The following ANKFN1 variants were observed in gnomAD, a reference collection of about 807,000 sequenced individuals.
The protein encoded by ANKFN1 is ankyrin repeat and fibronectin type-III domain-containing protein 1.
ANKFN1 carries 74 observed loss-of-function variants against 108.7 expected under a neutral mutation model. The ratio of observed to expected loss-of-function variants is 0.68; its 90% CI spans 0.56 to 0.83. ANKFN1 has a LOEUF of 0.83. Among genes scored for constraint, ANKFN1 ranks in the 40% least tolerant of loss-of-function variants. The pLI, the probability that ANKFN1 is intolerant of heterozygous loss-of-function variation, is 0.00. For synonymous variants in ANKFN1, 547 were observed against 516.2 expected, an observed-to-expected ratio of 1.06 and a Z score of -0.81; for missense variants, 1,505 against 1,382.3, an observed-to-expected ratio of 1.09 and a Z score of -1.41.
At chr17:56,221,881 TG>T (rs1421605951) in intron 2 of ANKFN1, among the ~76,000 whole-genome samples, 1 of 152,188 alleles carries the variant, frequency 6.6e-6, no homozygotes, top group African/African-American at 2.4e-5. Flanking sequence ...CACTGAAGCC[TG>T]GGAAAATGCC....
chr17:56,458,068 G>A (rs906264908), intron 14 of ANKFN1, 89 bp downstream of exon 14: 6 of 1,085,882 alleles, frequency 5.5e-6, no homozygotes, highest in Non-Finnish European at 8.1e-6. Context: ...AAAGGAAAAG[G>A]ATGGGCTCCC....
At chr17:56,438,756 A>C (rs2049003871) in intron 8 of ANKFN1, among the ~76,000 whole-genome samples, 1 of 152,140 alleles carries the variant, frequency 6.6e-6, no homozygotes, top group African/African-American at 2.4e-5. Context: ...AACAGAAGGA[A>C]GTTCGAGCTC....
intron 8 of ANKFN1, among the ~76,000 whole-genome samples, chr17:56,436,610 G>A (rs562196937): frequency 1.3e-5 from 2 of 152,110 alleles, no homozygotes; most frequent in Admixed American, 6.5e-5. Context: ...GATCACCTGA[G>A]ATCAGGAGTT....
chr17:56,161,923 G>A (rs901941400), intron 1 of ANKFN1, among the ~76,000 whole-genome samples: 2 of 152,206 alleles, frequency 1.3e-5, no homozygotes, highest in Non-Finnish European at 2.9e-5. Flanking sequence ...CAAAATGCAG[G>A]ATGCAGGCAG....
intron 4 of ANKFN1, among the ~76,000 whole-genome samples, chr17:56,084,780 C>G (rs78589486): frequency 0.013 from 2,031 of 151,316 alleles, 74 homozygotes; most frequent in African/African-American, 0.047. Flanking sequence ...ATGAAGAAAG[C>G]CTTCAAGTTG....
At chr17:56,223,316 G>C (rs1292727543) in intron 2 of ANKFN1, among the ~76,000 whole-genome samples, 1 of 152,142 alleles carries the variant, frequency 6.6e-6, no homozygotes, top group Non-Finnish European at 1.5e-5. Flanking sequence ...GTGCAGTTCT[G>C]AGTTCTTTTA....
At chr17:56,190,579 A>G (rs1259119679) in intron 1 of ANKFN1, among the ~76,000 whole-genome samples, 2 of 120,982 alleles carry the variant, frequency 1.7e-5, no homozygotes, top group Non-Finnish European at 3.4e-5. Flanking sequence ...TCTGAGAGAT[A>G]GTTTGTTATA....
At position 56,511,762 on chromosome 17, in the gene ANKFN1, G is replaced by A. The variant is rs750712501; in HGVS notation, c.*493G>A. The A allele has an allele frequency of 6.5e-6, 1 of 154,102 alleles. No homozygotes were observed. Among genetic ancestry groups the A allele is most frequent in the South Asian group, 2.0e-4 (1 of 4,922 alleles). 9.5% of individuals were successfully genotyped at this position (154,102 alleles called of 1,614,324 possible). A position where few individuals can be genotyped will look rare whatever the true frequency, so the allele number is the denominator to read the frequency against. ...ACACCAGGTTGTGTCTCTAGGGCAC[G>A]GGGTCAGGTGGGCTTGACCTTGGTT... On this transcript the variant is annotated 3_prime_UTR_variant, in exon 21 of 21. Coordinates refer to ENST00000682825, the MANE Select transcript of ANKFN1 (RefSeq NM_001370326.1).
intron 3 of ANKFN1, among the ~76,000 whole-genome samples, chr17:56,266,635 T>C (rs2043660334): frequency 6.6e-6 from 1 of 152,174 alleles, no homozygotes; most frequent in African/African-American, 2.4e-5. Flanking sequence ...GGAGCTATAA[T>C]TGCATAATGT....
chr17:56,354,653 A>G (rs1321789312), intron 6 of ANKFN1, among the ~76,000 whole-genome samples: 1 of 152,206 alleles, frequency 6.6e-6, no homozygotes, highest in Non-Finnish European at 1.5e-5. Flanking sequence ...ACTATTTTAA[A>G]TAGGGTTGAT....
At chr17:56,428,999 A>T (rs1567994602) in intron 8 of ANKFN1, among the ~76,000 whole-genome samples, 1 of 152,206 alleles carries the variant, frequency 6.6e-6, no homozygotes, top group Non-Finnish European at 1.5e-5. Context: ...AGTTAGGTGC[A>T]GAGTCTGCAC....
intron 2 of ANKFN1, among the ~76,000 whole-genome samples, chr17:56,226,040 A>C (rs1332697813): frequency 6.6e-6 from 1 of 152,194 alleles, no homozygotes; most frequent in Non-Finnish European, 1.5e-5. Flanking sequence ...TTTGTTTCCT[A>C]GCAACAGGTT....
chr17:56,510,576 G>C lies in ANKFN1; in HGVS notation c.2748G>C (p.Leu916=), dbSNP rs938256169. 2.6e-6 allele frequency: 4 copies of C among 1,536,154 alleles called. No homozygotes were observed. Among genetic ancestry groups the C allele is most frequent in the Admixed American group, 2.0e-5 (1 of 51,004 alleles). Residue 916 remains leucine, a synonymous_variant, in exon 21 of 21, where the codon CTG becomes CTC. Transcript: ENST00000682825. ...CCCTGAGCCCCAGAGACCTGGACCTGGTCTACCTATCATCTCACGACATTG... is the reference window on the plus strand; with the variant it reads ...CCCTGAGCCCCAGAGACCTGGACCTCGTCTACCTATCATCTCACGACATTG... ...SDALSPRDLD[L]VYLSSHDIAQ... is the part of the protein sequence containing the mutation.
intron 8 of ANKFN1, among the ~76,000 whole-genome samples, chr17:56,426,622 A>G (rs2048577790): frequency 6.6e-6 from 1 of 152,268 alleles, no homozygotes; most frequent in Non-Finnish European, 1.5e-5. Context: ...AGATAACTAC[A>G]GCACTTTCCC....
At position 56,193,941 on chromosome 17, in the gene ANKFN1, A is replaced by G. The variant is rs542464754; in HGVS notation, c.-70-18657A>G. Among the ~76,000 whole-genome samples, 62 of 152,364 alleles carry G rather than the reference A, an allele frequency of 4.1e-4. No individual in the cohort carries two copies. The South Asian group carries it at 7.0e-3, about 17-fold the overall frequency. On this transcript the variant is annotated intron_variant, in intron 1 of 20. Transcript: ENST00000682825. ...AAACCCAATGAGAAGAAAACATACA[A>G]GTTTATTTAAAAAATGAGGCAAAGA...
intron 8 of ANKFN1, among the ~76,000 whole-genome samples, chr17:56,436,605 C>G (rs1409074573): frequency 6.6e-6 from 1 of 152,060 alleles, no homozygotes; most frequent in Admixed American, 6.6e-5. Context: ...AGGCTGATCA[C>G]CTGAGATCAG....
At chr17:56,486,407 C>T (rs554918501) in intron 18 of ANKFN1, among the ~76,000 whole-genome samples, 1 of 152,298 alleles carries the variant, frequency 6.6e-6, no homozygotes, top group South Asian at 2.1e-4. Context: ...TACTTGAGCA[C>T]CACCAGCAAC....
chr17:56,161,969 C>T (rs1398974339), intron 1 of ANKFN1, among the ~76,000 whole-genome samples: 1 of 152,210 alleles, frequency 6.6e-6, no homozygotes, highest in Non-Finnish European at 1.5e-5. Context: ...TTACCAGCTT[C>T]ACTGATCAGC....
chr17:56,310,748 T>TTGTGTGTGTGTG (rs71137198), intron 3 of ANKFN1, among the ~76,000 whole-genome samples: 19 of 150,084 alleles, frequency 1.3e-4, no homozygotes, highest in African/African-American at 4.2e-4. Context: ...CACAATTACT[T>TTGTGTGTGTGTG]TGTGTGTGTG....
Sources: gnomAD v4.1 joint callset for allele counts (sites outside exome capture counted in the v4.1 genomes callset) on GRCh38, gnomAD v4.1.1 for gene constraint, MANE v1.5 for transcripts, NCBI Gene and HGNC (gene_info 2026-07-23, HGNC 2026-07-21) for gene names.